CYFIP1: variants seen among roughly 807,000 people sequenced by gnomAD.
The protein encoded by CYFIP1 is cytoplasmic FMR1 interacting protein 1, also known as cytoplasmic FMR1-interacting protein 1.
A neutral mutation model predicts 163.5 loss-of-function variants in CYFIP1; 58 were observed. The ratio of observed to expected loss-of-function variants is 0.35; its 90% CI spans 0.29 to 0.44. The LOEUF (loss-of-function observed/expected upper bound fraction) is 0.44. CYFIP1 is among the 20% of genes least tolerant of loss of function. The pLI is 1.00. For missense variants in CYFIP1, 1,338 were observed against 1,653.8 expected (o/e 0.81, Z 3.31); for synonymous variants, 663 against 660.7 (o/e 1.00, Z -0.05).
rs368862934 is a variant in CYFIP1, at chr15:22,937,232, T to C, written c.796-24A>G. 129 of 1,413,482 alleles carry C rather than the reference T, an allele frequency of 9.1e-5. No homozygotes were observed. The African/African-American group carries it at 1.6e-3, about 17-fold the overall frequency. The allele number at this position is 1,413,482 out of a possible 1,614,324, so 87.6% of individuals were successfully genotyped here. Reference sequence around the variant, plus strand: ...ACCTGAAAAGCCACAAAATGAATGATGCGACAAAGCTCAGAACTGAGAATT... The same window carrying C: ...ACCTGAAAAGCCACAAAATGAATGACGCGACAAAGCTCAGAACTGAGAATT... On this transcript the variant is annotated intron_variant, in intron 8 of 30. Transcript: ENST00000617928.
intron 6 of CYFIP1, 42 bp from the exon 7 acceptor site, chr15:22,939,549 GC>G: frequency 1.6e-6 from 1 of 642,436 alleles, no homozygotes; most frequent in Non-Finnish European, 2.4e-6. Context: ...GCACCAACGT[GC>G]CACATTTAAA....
chr15:22,903,717 G>C lies in CYFIP1; in HGVS notation c.2577C>G (p.Gly859=). ...GCGGGCACGCTCACCGGTTGGTAGA[G>C]CCGTTGTAGCAGTAGTTGGGCAGGA... ...YDFLPNYCYN[G]STNRFVRTVL... The change falls in exon 22 of 31, where the codon GGC becomes GGG. Residue 859 remains glycine (G), a synonymous_variant. Transcript: ENST00000617928. The C allele has an allele frequency of 6.2e-7, 1 of 1,613,568 alleles. No homozygotes were observed. The highest frequency in any genetic ancestry group is 8.5e-7 in the Non-Finnish European group (1 of 1,180,036).
rs748103115 is a variant in CYFIP1, at chr15:22,932,241, C to T, written c.1092G>A (p.Ala364=). Residue 364 remains alanine, a synonymous_variant, in exon 11 of 31, where the codon GCG becomes GCA. Coordinates refer to ENST00000617928, the MANE Select transcript of CYFIP1 (RefSeq NM_014608.6). ...EDHMRFISEL[A]RYSNSEVVTG... ...GGCGCACCTCGCTGTTGCTGTAGCG[C>T]GCCAGCTCCGAAATGAAGCGCATGT... 1.2e-5 allele frequency: 19 copies of T among 1,611,626 alleles called. No homozygotes were observed. The highest frequency in any genetic ancestry group is 3.3e-5 in the South Asian group (3 of 90,720).
intron 25 of CYFIP1, among the ~76,000 whole-genome samples, chr15:22,880,860 G>A (rs2059741691): frequency 6.6e-6 from 1 of 152,146 alleles, no homozygotes; most frequent in Non-Finnish European, 1.5e-5. Context: ...GGGCGGGGAC[G>A]CTCATGCACC....
chr15:22,905,062 G>A (rs1239878154), intron 21 of CYFIP1: 1 of 152,174 alleles, frequency 6.6e-6, no homozygotes. Context: ...GTGAAGGTCT[G>A]AGGACAATCG....
Position 22,910,632 on chromosome 15 carries a change from G to GT in CYFIP1, c.2160-5dup, listed in dbSNP as rs1239436162. On this transcript the variant is annotated splice_region_variant and splice_polypyrimidine_tract_variant and intron_variant, in intron 19 of 30. Transcript: ENST00000617928. The stretch of plus-strand genomic sequence containing the variant: ...TAACCGTTTATCAAGAAGCAAACTA[G>GT]TGTAGAAGGAAGACAGAAAGTTTTT... 1 of 1,613,392 alleles carries GT rather than the reference G, an allele frequency of 6.2e-7. No individual in the cohort carries two copies. Among genetic ancestry groups the GT allele is most frequent in the Admixed American group, 1.7e-5 (1 of 60,006 alleles).
At chr15:22,966,925 G>A (rs936596894) in intron 1 of CYFIP1, among the ~76,000 whole-genome samples, 6 of 152,090 alleles carry the variant, frequency 3.9e-5, no homozygotes, top group South Asian at 4.2e-4. Flanking sequence ...ACAGCTTTAC[G>A]TTGATGAACA....
chr15:22,872,293 CAAAAAAA>C (rs11327088), intron 30 of CYFIP1, among the ~76,000 whole-genome samples: 3 of 111,416 alleles, frequency 2.7e-5, no homozygotes, highest in South Asian at 5.8e-4. Context: ...GAAACTGTCT[CAAAAAAA>C]AAAAAAAAAA....
chr15:22,885,900 A>T (rs563610872), intron 23 of CYFIP1, among the ~76,000 whole-genome samples: 1 of 152,122 alleles, frequency 6.6e-6, no homozygotes, highest in East Asian at 1.9e-4. Context: ...GCAGTACTCC[A>T]CTCTACCAGT....
At chr15:22,874,789 G>T in intron 27 of CYFIP1, 145 bp from the exon 28 acceptor site, 1 of 607,844 alleles carries the variant, frequency 1.6e-6, no homozygotes, top group Non-Finnish European at 2.7e-6. Context: ...TACAGAACTG[G>T]CTCATTTAAT....
At chr15:22,901,254 A>C (rs1433610940) in intron 22 of CYFIP1, among the ~76,000 whole-genome samples, 3 of 151,978 alleles carry the variant, frequency 2.0e-5, no homozygotes, top group Non-Finnish European at 2.9e-5. Flanking sequence ...TTCAACCACC[A>C]GTGTGAAGAT....
intron 8 of CYFIP1, among the ~76,000 whole-genome samples, chr15:22,938,143 G>A (rs17800027): frequency 0.22 from 33,203 of 152,084 alleles, 4,183 homozygotes; most frequent in African/African-American, 0.32. Context: ...GGGAACAGCC[G>A]AACTGCCGCC....
intron 23 of CYFIP1, among the ~76,000 whole-genome samples, chr15:22,889,777 G>C (rs557817684): frequency 8.5e-5 from 13 of 152,226 alleles, no homozygotes; most frequent in African/African-American, 3.1e-4. Flanking sequence ...CTAAAACAGG[G>C]ATTAAAAATT....
At position 22,925,966 on chromosome 15, in the gene CYFIP1, G is replaced by A. The variant is rs762587054; in HGVS notation, c.1359+16C>T. 2.3e-5 allele frequency: 37 copies of A among 1,610,318 alleles called. No homozygotes were observed. Among genetic ancestry groups the A allele is most frequent in the Admixed American group, 5.0e-5 (3 of 59,844 alleles). On this transcript the variant is annotated intron_variant, in intron 13 of 30. Coordinates refer to ENST00000617928, the MANE Select transcript of CYFIP1 (RefSeq NM_014608.6). ...TAGAGCGACATGAGGAAGAGCGAGC[G>A]GCCGAGCATCCTCACCTCCACTAGG...
At chr15:22,899,065 T>C (rs2060318616) in intron 22 of CYFIP1, among the ~76,000 whole-genome samples, 1 of 152,068 alleles carries the variant, frequency 6.6e-6, no homozygotes, top group Non-Finnish European at 1.5e-5. Flanking sequence ...CTTGAACTCC[T>C]GGACTCAAGA....
At chr15:22,921,784 A>AAAAAAAAAAAAAAGAC (rs1555409979) in intron 13 of CYFIP1, among the ~76,000 whole-genome samples, 1 of 142,208 alleles carries the variant, frequency 7.0e-6, no homozygotes. Flanking sequence ...AAAAAAAAAA[A>AAAAAAAAAAAAAAGAC]AGAAGCACGA....
chr15:22,943,282 A>G lies in CYFIP1; in HGVS notation c.460T>C (p.Ser154Pro), dbSNP rs2140094934. Residue 154 changes from serine (S) to proline (P), a missense_variant, in exon 6 of 31, where the codon TCA (serine) becomes CCA (proline). By Grantham distance (74) the Ser-to-Pro change is moderately conservative. Transcript: ENST00000617928. The part of the protein sequence containing the change: ...CHAERRKDFV[S>P]EAYLITLGKF... ...CCCAGTGTGATCAGGTAGGCTTCTG[A>G]CACGAAGTCCTTCCTCCTCTCGGCA... The G allele has an allele frequency of 6.2e-7, 1 of 1,614,204 alleles. No individual in the cohort carries two copies. The highest frequency in any genetic ancestry group is 1.1e-5 in the South Asian group (1 of 91,088).
intron 9 of CYFIP1, among the ~76,000 whole-genome samples, chr15:22,934,724 T>C (rs2061659715): frequency 6.6e-6 from 1 of 151,544 alleles, no homozygotes; most frequent in Non-Finnish European, 1.5e-5. Context: ...GGTCTCGATC[T>C]CCTGACCTCG....
chr15:22,932,330 T>C lies in CYFIP1; in HGVS notation c.1003A>G (p.Thr335Ala), dbSNP rs1392537004. 5.6e-6 allele frequency: 9 copies of C among 1,605,780 alleles called. No individual in the cohort carries two copies. The highest frequency in any genetic ancestry group is 7.7e-6 in the Non-Finnish European group (9 of 1,176,448). The change falls in exon 11 of 31, where the codon ACA becomes GCA. Residue 335 changes from threonine (T) to alanine (A), a missense_variant. Physicochemically the swap from Thr to Ala is moderately conservative, Grantham distance 58 (BLOSUM62 0). Coordinates refer to ENST00000617928, the MANE Select transcript of CYFIP1 (RefSeq NM_014608.6). The stretch of plus-strand genomic sequence containing the variant: ...TACTGAGGGCTGCTGCCGGAGGATG[T>C]GCACGTCCATCTGTGCAGAGAGAAA... ...YEENKSRWTCTSSGSSPQYNI... is the reference protein window; with the variant it reads ...YEENKSRWTCASSGSSPQYNI...
Sources: allele counts gnomAD v4.1 joint callset (sites outside exome capture counted in the v4.1 genomes callset), GRCh38; gene constraint gnomAD v4.1.1; transcripts MANE v1.5; gene names NCBI Gene and HGNC (gene_info 2026-07-23, HGNC 2026-07-21).